Variants in FHOD3 observed in about 807,000 individuals in gnomAD.
FHOD3 encodes the protein FH1/FH2 domain-containing protein 3.
A neutral mutation model predicts 173.0 loss-of-function variants in FHOD3; 90 were observed. The observed-to-expected ratio is 0.52, with a 90% CI of 0.44 to 0.62. The LOEUF (loss-of-function observed/expected upper bound fraction) is 0.62. Among genes scored for constraint, FHOD3 ranks in the 20% least tolerant of loss-of-function variants. The probability of loss-of-function intolerance (pLI) is 0.00; values close to 1 mark genes in which losing one functional copy is unlikely to be tolerated. For synonymous variants in FHOD3, 828 were observed against 823.0 expected (o/e 1.01, Z -0.10); for missense variants, 1,945 against 2,034.7 (o/e 0.96, Z 0.85).
intron 19 of FHOD3, among the ~76,000 whole-genome samples, chr18:36,726,283 C>A (rs1341681205): frequency 6.6e-6 from 1 of 152,090 alleles, no homozygotes; most frequent in Admixed American, 6.5e-5. Flanking sequence ...TTATTACTCT[C>A]AAGAAAATGT....
chr18:36,624,277 A>T (rs549142381), intron 9 of FHOD3, among the ~76,000 whole-genome samples: 1 of 152,334 alleles, frequency 6.6e-6, no homozygotes, highest in South Asian at 2.1e-4. Context: ...TCTCATCACA[A>T]ACCTGCAAGG....
At chr18:36,759,579 G>T (rs1434096951) in intron 26 of FHOD3, among the ~76,000 whole-genome samples, 1 of 152,240 alleles carries the variant, frequency 6.6e-6, no homozygotes, top group Non-Finnish European at 1.5e-5. Context: ...CCAGTAGGCA[G>T]CCTCTGATGT....
At chr18:36,667,457 T>A (rs1312197255) in intron 14 of FHOD3, among the ~76,000 whole-genome samples, 1 of 152,190 alleles carries the variant, frequency 6.6e-6, no homozygotes, top group African/African-American at 2.4e-5. Flanking sequence ...AGTTGTAAAC[T>A]TTCCCATGAA....
intron 3 of FHOD3, among the ~76,000 whole-genome samples, chr18:36,432,757 T>A (rs1449708141): frequency 1.3e-5 from 2 of 152,240 alleles, no homozygotes; most frequent in Non-Finnish European, 2.9e-5. Flanking sequence ...TTAACTCATA[T>A]ATAACAATGG....
At position 36,297,871 on chromosome 18, in the gene FHOD3, C is replaced by A. The variant is rs1457701295; in HGVS notation, c.36C>A (p.Asp12Glu). The change falls in exon 1 of 29, where the codon GAC becomes GAA. Residue 12 changes from aspartate to glutamate, a missense_variant. Asp to Glu is a conservative substitution (Grantham distance 45). Coordinates refer to ENST00000590592, the MANE Select transcript of FHOD3 (RefSeq NM_001281740.3). ...TGGCTTGCCGGGTGCAGTTCTTGGACGACACGGACCCTTTCAACAGCACCA... is the reference window on the plus strand; with the variant it reads ...TGGCTTGCCGGGTGCAGTTCTTGGAAGACACGGACCCTTTCAACAGCACCA... ...ATLACRVQFL[D>E]DTDPFNSTNF... The A allele has an allele frequency of 1.3e-6, 2 of 1,545,832 alleles. No individual in the cohort carries two copies. The highest frequency in any genetic ancestry group is 1.7e-6 in the Non-Finnish European group (2 of 1,146,542).
At chr18:36,407,857 T>C (rs1446460349) in intron 3 of FHOD3, among the ~76,000 whole-genome samples, 2 of 152,228 alleles carry the variant, frequency 1.3e-5, no homozygotes. Context: ...GTGATACTTA[T>C]AATAATACTT....
intron 1 of FHOD3, among the ~76,000 whole-genome samples, chr18:36,301,421 C>T (rs918407058): frequency 3.9e-5 from 6 of 152,138 alleles, no homozygotes; most frequent in Non-Finnish European, 8.8e-5. Context: ...TAAACTGATA[C>T]ATTATTTTAA....
At position 36,300,581 on chromosome 18, in the gene FHOD3, C is replaced by G. The variant is rs146384056; in HGVS notation, c.165+2581C>G. Reference sequence around the variant, plus strand: ...GCCACAGGGCGTGCTTCTTCCGGGTCCCACAGAGCCTGGTATTGACAAGAA... The same window carrying G: ...GCCACAGGGCGTGCTTCTTCCGGGTGCCACAGAGCCTGGTATTGACAAGAA... On this transcript the variant is annotated intron_variant, in intron 1 of 28. Coordinates refer to ENST00000590592, the MANE Select transcript of FHOD3 (RefSeq NM_001281740.3). 2.6e-3 allele frequency among the ~76,000 whole-genome samples: 396 copies of G among 152,268 alleles called. 1 individual carries two copies. Among genetic ancestry groups the G allele is most frequent in the African/African-American group, 8.7e-3 (360 of 41,542 alleles).
intron 18 of FHOD3, among the ~76,000 whole-genome samples, chr18:36,717,380 C>G (rs2149760943): frequency 6.6e-6 from 1 of 152,252 alleles, no homozygotes; most frequent in East Asian, 1.9e-4. Context: ...TTTTGAGGCA[C>G]TTTGAGCTGC....
rs748272987 is a variant in FHOD3 at position 36,718,194 on chromosome 18, G to A, written c.2896G>A (p.Glu966Lys). 2 of 1,613,880 alleles carry A rather than the reference G, an allele frequency of 1.2e-6. No homozygotes were observed. The highest frequency in any genetic ancestry group is 2.2e-5 in the South Asian group (2 of 91,056). The change falls in exon 19 of 29, where the codon GAA becomes AAA. Residue 966 changes from glutamate to lysine, a missense_variant. Glu to Lys is a moderately conservative substitution (Grantham distance 56, BLOSUM62 1). Around this residue, in one of 5 missense-constraint regions of FHOD3, gnomAD observed 1,099 missense variants for 1,051.2 expected, o/e 1.05. Coordinates refer to ENST00000590592, the MANE Select transcript of FHOD3 (RefSeq NM_001281740.3). The part of the protein sequence containing the change: ...PDAEPNDKVP[E>K]TAPVQPKTES... Reference sequence around the variant, plus strand: ...TGCTGAGCCCAATGACAAGGTCCCAGAAACAGCGCCGGTGCAGCCGAAGAC... The same window carrying A: ...TGCTGAGCCCAATGACAAGGTCCCAAAAACAGCGCCGGTGCAGCCGAAGAC...
chr18:36,702,051 G>A (rs939371455), intron 17 of FHOD3, among the ~76,000 whole-genome samples: 7 of 152,198 alleles, frequency 4.6e-5, no homozygotes, highest in African/African-American at 1.7e-4. Context: ...TCTCTTTTGT[G>A]AGGCTTGAGT....
chr18:36,303,514 A>G (rs886191839), intron 1 of FHOD3, among the ~76,000 whole-genome samples: 2 of 152,170 alleles, frequency 1.3e-5, no homozygotes, highest in Admixed American at 1.3e-4. Flanking sequence ...GGAAAACAAC[A>G]GGACTGCCAT....
chr18:36,415,447 TGAA>T (rs2049586066), intron 3 of FHOD3, among the ~76,000 whole-genome samples: 2 of 152,228 alleles, frequency 1.3e-5, no homozygotes, highest in African/African-American at 4.8e-5. Context: ...AAAGTGGTTC[TGAA>T]GAAGAAAATG....
intron 10 of FHOD3, among the ~76,000 whole-genome samples, chr18:36,632,694 T>C (rs932749531): frequency 6.6e-6 from 1 of 152,092 alleles, no homozygotes; most frequent in African/African-American, 2.4e-5. Context: ...CCTGGGAAAA[T>C]GCTATGCTCT....
At chr18:36,505,159 C>T (rs1212832094) in intron 4 of FHOD3, among the ~76,000 whole-genome samples, 4 of 152,234 alleles carry the variant, frequency 2.6e-5, no homozygotes, top group Admixed American at 6.5e-5. Context: ...TGTGTGTTTG[C>T]TTATTCTGTG....
chr18:36,517,705 T>G (rs1214888897), intron 5 of FHOD3, among the ~76,000 whole-genome samples: 1 of 152,252 alleles, frequency 6.6e-6, no homozygotes, highest in South Asian at 2.1e-4. Flanking sequence ...CGCATTTAAC[T>G]CAACCTTTTC....
intron 6 of FHOD3, among the ~76,000 whole-genome samples, chr18:36,580,192 G>A (rs2058796584): frequency 1.3e-5 from 2 of 152,188 alleles, no homozygotes; most frequent in Admixed American, 6.5e-5. Flanking sequence ...CGGTGCACTC[G>A]GTGTGTGCTT....
chr18:36,602,896 G>A (rs2031580093), intron 8 of FHOD3, 128 bp downstream of exon 8: 1 of 715,020 alleles, frequency 1.4e-6, no homozygotes, highest in South Asian at 1.7e-5. Context: ...TGGTTGTGAG[G>A]GTGGGCTCTG....
At chr18:36,508,817 G>C (rs112333228) in intron 4 of FHOD3, among the ~76,000 whole-genome samples, 3 of 152,172 alleles carry the variant, frequency 2.0e-5, no homozygotes, top group Non-Finnish European at 4.4e-5. Flanking sequence ...TAATAAGCAA[G>C]AGGGAGTAAC....
Sources: gnomAD v4.1 joint callset for allele counts (sites outside exome capture counted in the v4.1 genomes callset) on GRCh38, gnomAD v4.1.1 for gene constraint, gnomAD v4.1.1 regional missense constraint, MANE v1.5 for transcripts, NCBI Gene and HGNC (gene_info 2026-07-23, HGNC 2026-07-21) for gene names.